FRMD5: variants seen among roughly 807,000 people sequenced by gnomAD.
FRMD5 encodes the protein FERM domain-containing protein 5.
A neutral mutation model predicts 69.0 loss-of-function variants in FRMD5; 20 were observed. The ratio of observed to expected loss-of-function variants is 0.29; its 90% CI spans 0.20 to 0.42. The LOEUF is 0.42. Among genes scored for constraint, FRMD5 ranks in the 10% least tolerant of loss-of-function variants. The pLI is 1.00. For missense variants in FRMD5, 595 were observed against 708.6 expected (o/e 0.84, Z 1.82); for synonymous variants, 271 against 260.1 (o/e 1.04, Z -0.40).
intron 1 of FRMD5, among the ~76,000 whole-genome samples, chr15:44,043,769 T>C (rs1365696668): frequency 6.6e-6 from 1 of 152,112 alleles, no homozygotes; most frequent in Non-Finnish European, 1.5e-5. Context: ...TATACAAAAA[T>C]TAATTCAAGA....
At chr15:44,046,065 T>A (rs12591537) in intron 1 of FRMD5, among the ~76,000 whole-genome samples, 125,149 of 151,968 alleles carry the variant, frequency 0.82, 54,391 homozygotes, top group Non-Finnish European at 0.95. Context: ...TCTCCTTGAT[T>A]AATTTAGAAA....
intron 1 of FRMD5, among the ~76,000 whole-genome samples, chr15:44,147,187 G>A (rs1436960005): frequency 3.9e-5 from 6 of 151,992 alleles, no homozygotes; most frequent in African/African-American, 9.7e-5. Flanking sequence ...GTCAGGGTCC[G>A]GTTTCGATTT....
At chr15:43,882,559 A>G (rs1047153668) in intron 13 of FRMD5, among the ~76,000 whole-genome samples, 3 of 151,982 alleles carry the variant, frequency 2.0e-5, no homozygotes, top group Admixed American at 1.3e-4. Context: ...GGGTTTCACC[A>G]TGTTGGCCAG....
At chr15:43,958,843 G>A (rs1196275367) in intron 1 of FRMD5, among the ~76,000 whole-genome samples, 1 of 152,116 alleles carries the variant, frequency 6.6e-6, no homozygotes, top group Non-Finnish European at 1.5e-5. Context: ...TCTTTCCCGT[G>A]TGGTGGTCTC....
intron 1 of FRMD5, among the ~76,000 whole-genome samples, chr15:43,951,996 G>GTGAC (rs1555387228): frequency 2.0e-5 from 2 of 102,050 alleles, no homozygotes; most frequent in Non-Finnish European, 3.5e-5. Context: ...GTGTGTGTGT[G>GTGAC]TGTCTGTGTG....
chr15:44,061,235 C>G (rs2140379704), intron 1 of FRMD5, among the ~76,000 whole-genome samples: 1 of 152,314 alleles, frequency 6.6e-6, no homozygotes, highest in South Asian at 2.1e-4. Context: ...CCTAGACATT[C>G]CAGCTTTTCT....
At chr15:43,983,601 T>C (rs2090580328) in intron 1 of FRMD5, among the ~76,000 whole-genome samples, 1 of 152,222 alleles carries the variant, frequency 6.6e-6, no homozygotes, top group Non-Finnish European at 1.5e-5. Context: ...TTATGCACAA[T>C]ATGATACAGC....
In FRMD5 at chr15:43,902,403, C is replaced by T. The variant is rs577806716; in HGVS notation, c.552-141G>A. ...TGTGCTCCCTGCTTGGTTCTAGGAC[C>T]AACTTCGAGACTCCTGCTAGAGTCT... On this transcript the variant is annotated intron_variant, in intron 6 of 13. Transcript: ENST00000417257. 407 of 677,212 alleles carry T rather than the reference C, an allele frequency of 6.0e-4. 3 individuals are homozygous for T. The highest frequency in any genetic ancestry group is 5.5e-3 in the Middle Eastern group (19 of 3,484). The allele number at this position is 677,212 out of a possible 1,614,324, so 42.0% of individuals were successfully genotyped here.
At chr15:43,906,791 C>T (rs687067) in intron 5 of FRMD5, among the ~76,000 whole-genome samples, 12,358 of 112,276 alleles carry the variant, frequency 0.11, 3,024 homozygotes, top group African/African-American at 0.5. Context: ...TTAGTAGAGA[C>T]GGGGTTTCAC....
chr15:43,897,122 C>A (rs1486565792), intron 7 of FRMD5, among the ~76,000 whole-genome samples: 1 of 152,084 alleles, frequency 6.6e-6, no homozygotes, highest in African/African-American at 2.4e-5. Flanking sequence ...TAACACCCTA[C>A]CTGCCACACA....
chr15:43,958,268 G>C (rs930510051), intron 1 of FRMD5, among the ~76,000 whole-genome samples: 2 of 152,048 alleles, frequency 1.3e-5, no homozygotes, highest in Non-Finnish European at 2.9e-5. Context: ...TGTACTGAGA[G>C]CTGCTCATGC....
intron 1 of FRMD5, among the ~76,000 whole-genome samples, chr15:44,125,755 T>G (rs2077016889): frequency 6.6e-6 from 1 of 152,262 alleles, no homozygotes. Flanking sequence ...TTTTATGACC[T>G]CTTGTGGTAT....
At chr15:43,933,105 G>T (rs1158607669) in intron 1 of FRMD5, among the ~76,000 whole-genome samples, 1 of 152,354 alleles carries the variant, frequency 6.6e-6, no homozygotes, top group East Asian at 1.9e-4. Context: ...GAGAGTCCCA[G>T]GAGAGGAGTG....
intron 1 of FRMD5, among the ~76,000 whole-genome samples, chr15:43,969,141 G>A (rs1173307212): frequency 6.7e-6 from 1 of 148,838 alleles, no homozygotes; most frequent in East Asian, 2.0e-4. Context: ...AGGCTGGAAT[G>A]CAGTGGCACA....
At chr15:44,168,689 A>G (rs1156775800) in intron 1 of FRMD5, among the ~76,000 whole-genome samples, 1 of 152,240 alleles carries the variant, frequency 6.6e-6, no homozygotes, top group Non-Finnish European at 1.5e-5. Context: ...AACTGTAGGT[A>G]CATCTATATT....
intron 1 of FRMD5, among the ~76,000 whole-genome samples, chr15:44,186,300 C>T (rs1199794170): frequency 3.3e-5 from 5 of 152,214 alleles, no homozygotes; most frequent in Non-Finnish European, 7.3e-5. Flanking sequence ...GTGGCACCTC[C>T]TGCCTAGAGT....
At chr15:44,052,953 T>C (rs1188734587) in intron 1 of FRMD5, among the ~76,000 whole-genome samples, 1 of 152,152 alleles carries the variant, frequency 6.6e-6, no homozygotes, top group Non-Finnish European at 1.5e-5. Flanking sequence ...GTAAGAGAGA[T>C]GCATGCTATT....
At chr15:43,930,766 C>CTGTG (rs2089661047) in intron 1 of FRMD5, among the ~76,000 whole-genome samples, 1 of 152,210 alleles carries the variant, frequency 6.6e-6, no homozygotes. Flanking sequence ...GGTCAGAGAA[C>CTGTG]TGGCTTTGCT....
chr15:44,014,962 T>C (rs1890890724), intron 1 of FRMD5, among the ~76,000 whole-genome samples: 1 of 152,058 alleles, frequency 6.6e-6, no homozygotes. Flanking sequence ...GAAATTAAGG[T>C]GGGTATGGTT....
Sources: gnomAD v4.1 joint callset for allele counts (sites outside exome capture counted in the v4.1 genomes callset) on GRCh38, gnomAD v4.1.1 for gene constraint, MANE v1.5 for transcripts, NCBI Gene and HGNC (gene_info 2026-07-23, HGNC 2026-07-21) for gene names.